Variants in UBE2G2 observed in about 807,000 individuals in gnomAD.
UBE2G2 encodes the protein ubiquitin-conjugating enzyme E2 G2.
Under a neutral mutation model 23.0 loss-of-function variants are expected in UBE2G2, and 10 were observed. The observed-to-expected ratio is 0.43, with a 90% CI of 0.27 to 0.74. UBE2G2 has a LOEUF of 0.74. UBE2G2 is among the 30% of genes least tolerant of loss of function. UBE2G2 has a pLI of 0.19. For synonymous variants in UBE2G2, 86 were observed against 81.3 expected (o/e 1.06, Z -0.31); for missense variants, 150 against 218.3 (o/e 0.69, Z 1.97).
At chr21:44,792,383 G>A (rs1192480997) in intron 1 of UBE2G2, among the ~76,000 whole-genome samples, 2 of 152,174 alleles carry the variant, frequency 1.3e-5, no homozygotes, top group African/African-American at 2.4e-5. Context: ...TGTTGAGCGA[G>A]GAACCTGGTA....
At chr21:44,801,392 C>T in intron 1 of UBE2G2, 1 of 1,184,632 alleles carries the variant, frequency 8.4e-7, no homozygotes, top group Non-Finnish European at 1.0e-6. Flanking sequence ...ACTGCACGTT[C>T]TCAAGGCTGC....
intron 1 of UBE2G2, chr21:44,801,469 T>A: frequency 8.7e-7 from 1 of 1,154,416 alleles, no homozygotes; most frequent in Non-Finnish European, 1.1e-6. Context: ...TGCTCTCAAC[T>A]AACACGGCGC....
At chr21:44,793,886 CT>C (rs1555963290) in intron 1 of UBE2G2, among the ~76,000 whole-genome samples, 1 of 152,102 alleles carries the variant, frequency 6.6e-6, no homozygotes, top group African/African-American at 2.4e-5. Flanking sequence ...TTAAAAAGAA[CT>C]TGAGTGTCTA....
At chr21:44,798,554 C>T (rs1326611346) in intron 1 of UBE2G2, among the ~76,000 whole-genome samples, 2 of 152,230 alleles carry the variant, frequency 1.3e-5, no homozygotes, top group Non-Finnish European at 2.9e-5. Context: ...ACAATGTTCA[C>T]AGCATTTTCA....
intron 1 of UBE2G2, among the ~76,000 whole-genome samples, chr21:44,792,147 T>C (rs2083050806): frequency 6.6e-6 from 1 of 152,266 alleles, no homozygotes; most frequent in South Asian, 2.1e-4. Context: ...TACAGGCTGC[T>C]AGGCAGAGGG....
intron 3 of UBE2G2, among the ~76,000 whole-genome samples, chr21:44,779,536 G>T (rs532815422): frequency 1.3e-5 from 2 of 151,430 alleles, no homozygotes; most frequent in Admixed American, 1.3e-4. Context: ...GGCACCCAGC[G>T]CCCGGCAGCC....
In UBE2G2 at chr21:44,786,065, G is replaced by A. The variant is rs143065344; in HGVS notation, c.125+1855C>T. ...TTAATGAGCTTCCAAATAGGCCTAC[G>A]GAGGAGCCAACACCCCACAAATAAC... On this transcript the variant is annotated intron_variant, in intron 3 of 5. Transcript: ENST00000345496. 6.6e-3 allele frequency among the ~76,000 whole-genome samples: 701 copies of A among 106,356 alleles called. 9 individuals are homozygous for A. Among genetic ancestry groups the A allele is most frequent in the African/African-American group, 0.029 (672 of 23,066 alleles). 69.8% of individuals were successfully genotyped at this position (106,356 alleles called of 152,430 possible).
intron 1 of UBE2G2, among the ~76,000 whole-genome samples, chr21:44,796,812 T>C (rs568616632): frequency 1.3e-5 from 2 of 152,338 alleles, no homozygotes; most frequent in African/African-American, 4.8e-5. Flanking sequence ...CACGGGTCTG[T>C]TGGTCTGGGA....
intron 1 of UBE2G2, among the ~76,000 whole-genome samples, chr21:44,792,634 T>C (rs2083054685): frequency 6.6e-6 from 1 of 152,170 alleles, no homozygotes; most frequent in South Asian, 2.1e-4. Context: ...TTACCCAGTC[T>C]CAGGTAGTAT....
chr21:44,784,780 G>C (rs887252257), intron 3 of UBE2G2, among the ~76,000 whole-genome samples: 1 of 152,182 alleles, frequency 6.6e-6, no homozygotes, highest in Non-Finnish European at 1.5e-5. Flanking sequence ...ATTCAGTAAA[G>C]GAAGGTCCTT....
chr21:44,792,742 C>A (rs534654579), intron 1 of UBE2G2, among the ~76,000 whole-genome samples: 74 of 152,318 alleles, frequency 4.9e-4, no homozygotes, highest in African/African-American at 1.8e-3. Flanking sequence ...AAAATTATTT[C>A]ACTCAAAATA....
chr21:44,784,370 T>C (rs782747980), intron 3 of UBE2G2, among the ~76,000 whole-genome samples: 4 of 152,214 alleles, frequency 2.6e-5, no homozygotes, highest in Admixed American at 1.3e-4. Flanking sequence ...TTACTCTATA[T>C]AGATGCTCCA....
At chr21:44,799,897 A>G (rs1383364565) in intron 1 of UBE2G2, 1 of 152,218 alleles carries the variant, frequency 6.6e-6, no homozygotes, top group Non-Finnish European at 1.5e-5. Flanking sequence ...TCAACACTTG[A>G]GCCCACTGTA....
rs2082881271 is a variant in UBE2G2 at position 44,772,433 on chromosome 21, C to T, written c.386-944G>A. Among the ~76,000 whole-genome samples, 1 of 152,130 alleles carries T rather than the reference C, an allele frequency of 6.6e-6. No homozygotes were observed. The highest frequency in any genetic ancestry group is 2.4e-5 in the African/African-American group (1 of 41,404). ...TGAGTGGCCTCACTCTGGCATCGACCCCTGGCCCTCTGCTGGGTCTGCTCT... is the reference window on the plus strand; with the variant it reads ...TGAGTGGCCTCACTCTGGCATCGACTCCTGGCCCTCTGCTGGGTCTGCTCT... On this transcript the variant is annotated intron_variant, in intron 5 of 5. Coordinates refer to ENST00000345496, the MANE Select transcript of UBE2G2 (RefSeq NM_003343.6). The surrounding 1 kb of genome is among the most constrained non-coding windows in gnomAD (Gnocchi z 5.4).
chr21:44,781,843 G>T (rs1555961384), intron 3 of UBE2G2, among the ~76,000 whole-genome samples: 1 of 152,076 alleles, frequency 6.6e-6, no homozygotes, highest in African/African-American at 2.4e-5. Context: ...ATCATAGTAG[G>T]GGCAAATATA....
At chr21:44,774,826 T>G in intron 4 of UBE2G2, 1 of 417,870 alleles carries the variant, frequency 2.4e-6, no homozygotes, top group Admixed American at 2.7e-5. Context: ...TGACACTGCA[T>G]CCACAGAAGC....
In UBE2G2 at chr21:44,801,796, G is replaced by A. The variant is rs1444248974; in HGVS notation, c.-48C>T. 2.0e-6 allele frequency: 3 copies of A among 1,501,090 alleles called. No individual in the cohort carries two copies. Among genetic ancestry groups the A allele is most frequent in the East Asian group, 2.9e-5 (1 of 34,902 alleles). The allele number at this position is 1,501,090 out of a possible 1,614,324, so 93.0% of individuals were successfully genotyped here. ...GCGACCTCGCCTCAGCCGCGCGCGT[G>A]CCTCCTGCCCCGACACCGGGGACTG... On this transcript the variant is annotated 5_prime_UTR_variant, in exon 1 of 6. Transcript: ENST00000345496.
intron 1 of UBE2G2, among the ~76,000 whole-genome samples, chr21:44,795,443 G>A (rs962460511): frequency 6.6e-6 from 1 of 151,800 alleles, no homozygotes; most frequent in African/African-American, 2.4e-5. Flanking sequence ...ACAAGCCTGG[G>A]CAACATGGCG....
intron 1 of UBE2G2, among the ~76,000 whole-genome samples, 178 bp from the exon 2 acceptor site, chr21:44,788,273 C>T (rs1185494157): frequency 1.3e-5 from 2 of 150,758 alleles, no homozygotes; most frequent in East Asian, 3.9e-4. Flanking sequence ...ATAACAACTA[C>T]ACAAAGTTTT....
Sources: gnomAD v4.1 joint callset for allele counts (sites outside exome capture counted in the v4.1 genomes callset) on GRCh38, gnomAD v4.1.1 for gene constraint, Gnocchi (gnomAD v3.1) non-coding constraint, MANE v1.5 for transcripts, NCBI Gene and HGNC (gene_info 2026-07-23, HGNC 2026-07-21) for gene names.